The following NAALADL2 variants were observed in gnomAD, a reference collection of about 807,000 sequenced individuals.
The protein encoded by NAALADL2 is N-acetylated alpha-linked acidic dipeptidase like 2.
NAALADL2 carries 76 observed loss-of-function variants against 87.2 expected under a neutral mutation model. That is an observed-to-expected ratio of 0.87 (90% CI 0.72 to 1.05). NAALADL2 has a LOEUF of 1.05. Among genes scored for constraint, NAALADL2 ranks in the 50% least tolerant of loss-of-function variants. The probability of loss-of-function intolerance (pLI) is 0.00; values close to 1 mark genes in which losing one functional copy is unlikely to be tolerated. For synonymous variants in NAALADL2, 354 were observed against 331.0 expected (o/e 1.07, Z -0.75); for missense variants, 1,089 against 945.8 (o/e 1.15, Z -1.99).
At chr3:175,368,515 C>G (rs1413177208) in intron 5 of NAALADL2, among the ~76,000 whole-genome samples, 1 of 151,964 alleles carries the variant, frequency 6.6e-6, no homozygotes, top group Non-Finnish European at 1.5e-5. Flanking sequence ...AAACGAATCT[C>G]TAACACATTT....
At chr3:175,124,421 G>C (rs2108585566) in intron 2 of NAALADL2, 1 of 151,962 alleles carries the variant, frequency 6.6e-6, no homozygotes, top group African/African-American at 2.4e-5. Context: ...TTACCTCAGG[G>C]TCATTAGAAA....
chr3:175,586,577 C>T lies in NAALADL2; in HGVS notation c.1800+10390C>T, dbSNP rs563731050. Among the ~76,000 whole-genome samples the T allele has an allele frequency of 4.6e-5, 7 of 152,296 alleles. No homozygotes were observed. The East Asian group carries it at 1.2e-3, about 25-fold the overall frequency. On this transcript the variant is annotated intron_variant, in intron 10 of 13. Coordinates refer to ENST00000454872, the MANE Select transcript of NAALADL2 (RefSeq NM_207015.3). ...CTAATATTCTGTTACAAGTGAAGAA[C>T]ATTTTAATTCTAAATAGTGCAATGT...
At chr3:175,769,241 A>G (rs938333974) in intron 13 of NAALADL2, among the ~76,000 whole-genome samples, 1 of 152,242 alleles carries the variant, frequency 6.6e-6, no homozygotes, top group Non-Finnish European at 1.5e-5. Flanking sequence ...TGAGAATACA[A>G]TGCTCAAAAA....
At chr3:174,894,804 A>G (rs1315443924) in intron 1 of NAALADL2, among the ~76,000 whole-genome samples, 1 of 151,990 alleles carries the variant, frequency 6.6e-6, no homozygotes, top group Non-Finnish European at 1.5e-5. Flanking sequence ...AGAGTCTTAA[A>G]ACATTCAAAA....
chr3:174,777,625 T>C (rs544253339), intron 3 of NAALADL2, among the ~76,000 whole-genome samples: 2 of 152,274 alleles, frequency 1.3e-5, no homozygotes, highest in Admixed American at 1.3e-4. Context: ...ATGCTACATA[T>C]CTGCAGTGGG....
intron 1 of NAALADL2, among the ~76,000 whole-genome samples, chr3:174,543,218 A>T (rs895710945): frequency 2.0e-5 from 3 of 152,140 alleles, no homozygotes; most frequent in African/African-American, 7.2e-5. Context: ...TAATAATATC[A>T]TCTTCTGAGG....
At chr3:175,313,115 T>C (rs1758596081) in intron 4 of NAALADL2, among the ~76,000 whole-genome samples, 1 of 152,192 alleles carries the variant, frequency 6.6e-6, no homozygotes, top group African/African-American at 2.4e-5. Context: ...TTTTATTCTG[T>C]GCACATGCAT....
At chr3:174,560,810 A>T (rs1052277153) in intron 2 of NAALADL2, among the ~76,000 whole-genome samples, 7 of 152,042 alleles carry the variant, frequency 4.6e-5, no homozygotes, top group Non-Finnish European at 7.4e-5. Context: ...TTGGTATCTT[A>T]GTCTGCTTTC....
At chr3:174,727,937 C>A (rs1732355948) in intron 2 of NAALADL2, among the ~76,000 whole-genome samples, 1 of 152,116 alleles carries the variant, frequency 6.6e-6, no homozygotes, top group Admixed American at 6.6e-5. Context: ...CATAGTTTTG[C>A]ATTTTCCATA....
At chr3:175,076,239 A>T (rs1283958899) in intron 1 of NAALADL2, among the ~76,000 whole-genome samples, 2 of 152,116 alleles carry the variant, frequency 1.3e-5, no homozygotes, top group Non-Finnish European at 2.9e-5. Flanking sequence ...AAAACAATGA[A>T]AATGAAAAAT....
intron 2 of NAALADL2, among the ~76,000 whole-genome samples, chr3:174,573,074 G>A (rs1306700173): frequency 6.6e-6 from 1 of 152,020 alleles, no homozygotes; most frequent in Admixed American, 6.6e-5. Context: ...GATTACCACC[G>A]CATCACTACC....
At chr3:175,367,991 T>G (rs1412323139) in intron 5 of NAALADL2, among the ~76,000 whole-genome samples, 1 of 152,108 alleles carries the variant, frequency 6.6e-6, no homozygotes, top group Non-Finnish European at 1.5e-5. Flanking sequence ...TGGCTGTGGG[T>G]TTGTCATAGA....
intron 6 of NAALADL2, among the ~76,000 whole-genome samples, chr3:175,449,720 A>G (rs1232726972): frequency 1.3e-5 from 2 of 152,150 alleles, no homozygotes; most frequent in Non-Finnish European, 2.9e-5. Context: ...ATGCAGAATA[A>G]TGTCCTTGCA....
intron 11 of NAALADL2, among the ~76,000 whole-genome samples, chr3:175,641,094 A>G (rs1256656128): frequency 2.0e-5 from 3 of 152,062 alleles, no homozygotes; most frequent in Non-Finnish European, 4.4e-5. Context: ...TTCTGACTTC[A>G]TCTTCCATTT....
chr3:174,813,521 T>G (rs1056535762), intron 3 of NAALADL2, among the ~76,000 whole-genome samples: 2 of 152,194 alleles, frequency 1.3e-5, no homozygotes, highest in Non-Finnish European at 1.5e-5. Context: ...TACCATGTAG[T>G]TTAGGTAGTT....
intron 11 of NAALADL2, among the ~76,000 whole-genome samples, chr3:175,656,284 TA>T (rs1731450939): frequency 6.6e-6 from 1 of 152,210 alleles, no homozygotes; most frequent in South Asian, 2.1e-4. Flanking sequence ...CAGAATTATT[TA>T]TGATTAAAAA....
chr3:174,978,790 A>C (rs764893351), intron 1 of NAALADL2, among the ~76,000 whole-genome samples: 5 of 152,206 alleles, frequency 3.3e-5, no homozygotes, highest in Non-Finnish European at 7.4e-5. Flanking sequence ...AATTCAAATT[A>C]CATTTTAGAG....
intron 2 of NAALADL2, among the ~76,000 whole-genome samples, chr3:175,190,970 A>C (rs1212392611): frequency 2.8e-5 from 4 of 141,264 alleles, no homozygotes; most frequent in Admixed American, 1.5e-4. Context: ...AGACAGAGGG[A>C]GACTCCGTCT....
At chr3:174,684,376 C>T (rs755470059) in intron 2 of NAALADL2, among the ~76,000 whole-genome samples, 8 of 151,922 alleles carry the variant, frequency 5.3e-5, no homozygotes, top group Non-Finnish European at 1.0e-4. Context: ...TACAAATATA[C>T]CTTTTATAAG....
Sources: gnomAD v4.1 joint callset for allele counts (sites outside exome capture counted in the v4.1 genomes callset) on GRCh38, gnomAD v4.1.1 for gene constraint, MANE v1.5 for transcripts, NCBI Gene and HGNC (gene_info 2026-07-23, HGNC 2026-07-21) for gene names.